The following FRMD4B variants were observed in gnomAD, a reference collection of about 807,000 sequenced individuals.
FRMD4B encodes the protein FERM domain-containing protein 4B.
In FRMD4B, 74 loss-of-function variants were observed where a neutral mutation model predicts 141.5. That is an observed-to-expected ratio of 0.52 (90% CI 0.43 to 0.63). FRMD4B has a LOEUF of 0.63. Ranked by LOEUF, FRMD4B falls within the 30% of genes least tolerant of loss-of-function variation. FRMD4B has a pLI of 0.00. For missense variants in FRMD4B, 1,366 were observed against 1,253.4 expected, an observed-to-expected ratio of 1.09 and a Z score of -1.36; for synonymous variants, 506 against 467.9, an observed-to-expected ratio of 1.08 and a Z score of -1.05.
At chr3:69,262,705 C>G (rs977983297) in intron 5 of FRMD4B, among the ~76,000 whole-genome samples, 1 of 151,322 alleles carries the variant, frequency 6.6e-6, no homozygotes, top group Non-Finnish European at 1.5e-5. Context: ...GGTGATCCGC[C>G]CGCCTTGGCC....
At chr3:69,521,926 C>T (rs576675001) in intron 1 of FRMD4B, among the ~76,000 whole-genome samples, 1 of 152,296 alleles carries the variant, frequency 6.6e-6, no homozygotes, top group African/African-American at 2.4e-5. Context: ...TTTTTATGGT[C>T]CTCATGGTCA....
In FRMD4B at chr3:69,182,608, T is replaced by TAG; in HGVS notation, c.2028_2029insCT (p.Ser677LeufsTer68). ...AAGAAGCTCTCTTACTCCAAGTGGCTGCTGCTGTAGGCGTTTCGGGTAAGA... is the reference window on the plus strand; with the variant it reads ...AAGAAGCTCTCTTACTCCAAGTGGCTAGGCTGCTGTAGGCGTTTCGGGTAAGA... On this transcript the variant is annotated frameshift_variant, in exon 20 of 23. Coordinates refer to ENST00000398540, the MANE Select transcript of FRMD4B (RefSeq NM_015123.3). LOFTEE classifies it high-confidence loss of function. 1 of 1,609,946 alleles carries TAG rather than the reference T, an allele frequency of 6.2e-7. No individual in the cohort carries two copies. The highest frequency in any genetic ancestry group is 8.5e-7 in the Non-Finnish European group (1 of 1,178,892).
upstream of FRMD4B, among the ~76,000 whole-genome samples, chr3:69,390,581 G>A (rs1003447989): frequency 1.3e-5 from 2 of 152,062 alleles, no homozygotes; most frequent in Admixed American, 1.3e-4. Flanking sequence ...AGAGGTCAGA[G>A]AACCCTGGTC....
intron 4 of FRMD4B, among the ~76,000 whole-genome samples, chr3:69,297,220 C>A (rs144513188): frequency 7.9e-5 from 12 of 152,236 alleles, no homozygotes; most frequent in Admixed American, 7.8e-4. Context: ...ATCTAATGTT[C>A]CAAAGACCAG....
chr3:69,459,372 G>T (rs1244666687), intron 1 of FRMD4B, among the ~76,000 whole-genome samples: 1 of 152,152 alleles, frequency 6.6e-6, no homozygotes, highest in East Asian at 1.9e-4. Flanking sequence ...AAAAAATGAG[G>T]ATGGATAATG....
chr3:69,469,395 T>C (rs6797592), intron 1 of FRMD4B, among the ~76,000 whole-genome samples: 33,577 of 152,094 alleles, frequency 0.22, 5,064 homozygotes, highest in African/African-American at 0.43. Context: ...AGTGCCTCCC[T>C]ACATGACTTA....
chr3:69,470,336 C>T (rs1186220847), intron 1 of FRMD4B, among the ~76,000 whole-genome samples: 1 of 152,062 alleles, frequency 6.6e-6, no homozygotes, highest in African/African-American at 2.4e-5. Context: ...TCTTTTCATT[C>T]CAAATGACTC....
chr3:69,393,330 A>T (rs1421362762), intron 2 of FRMD4B, among the ~76,000 whole-genome samples: 2 of 20,022 alleles, frequency 1.0e-4, no homozygotes, highest in African/African-American at 2.3e-4. Context: ...GAAGAAGTAC[A>T]AAAAAAAAAA....
chr3:69,485,190 C>CAAG (rs1706194608), intron 1 of FRMD4B, among the ~76,000 whole-genome samples: 1 of 152,234 alleles, frequency 6.6e-6, no homozygotes, highest in Admixed American at 6.5e-5. Context: ...GGTGCACACA[C>CAAG]CCGGCTGGGC....
chr3:69,458,823 T>G (rs1308939341), intron 1 of FRMD4B, among the ~76,000 whole-genome samples: 2 of 122,992 alleles, frequency 1.6e-5, no homozygotes, highest in Non-Finnish European at 3.3e-5. Context: ...AAAAAAACAG[T>G]CTAACCTTGA....
intron 18 of FRMD4B, 97 bp from the exon 19 acceptor site, chr3:69,188,014 A>G: frequency 1.5e-6 from 1 of 672,888 alleles, no homozygotes; most frequent in Non-Finnish European, 2.6e-6. Context: ...TAGAAGGTTT[A>G]GTGAACAAAG....
At chr3:69,297,966 T>G (rs570199545) in intron 4 of FRMD4B, among the ~76,000 whole-genome samples, 1 of 152,224 alleles carries the variant, frequency 6.6e-6, no homozygotes, top group African/African-American at 2.4e-5. Flanking sequence ...AAGGGAACAC[T>G]ACATGCCTTT....
At chr3:69,300,471 A>G (rs759933317) in intron 4 of FRMD4B, among the ~76,000 whole-genome samples, 16 of 152,140 alleles carry the variant, frequency 1.1e-4, no homozygotes, top group Non-Finnish European at 1.3e-4. Flanking sequence ...AATTTCAGGA[A>G]CCTGCTTGGA....
At chr3:69,309,960 G>A (rs934395917) in intron 3 of FRMD4B, among the ~76,000 whole-genome samples, 1 of 152,038 alleles carries the variant, frequency 6.6e-6, no homozygotes, top group Admixed American at 6.6e-5. Context: ...TCACTGATTC[G>A]CAGGAGCTGG....
intron 1 of FRMD4B, among the ~76,000 whole-genome samples, chr3:69,324,154 ATC>A (rs1702105228): frequency 6.6e-6 from 1 of 152,146 alleles, no homozygotes; most frequent in Admixed American, 6.5e-5. Flanking sequence ...GATGGAATTA[ATC>A]TCCACCTGTT....
chr3:69,535,458 C>T (rs1218301552), intron 1 of FRMD4B, among the ~76,000 whole-genome samples: 4 of 152,208 alleles, frequency 2.6e-5, no homozygotes, highest in South Asian at 2.1e-4. Flanking sequence ...GTGCTGCTAT[C>T]GTTACCATTA....
chr3:69,333,915 T>A (rs185588516), intron 1 of FRMD4B: 1 of 152,332 alleles, frequency 6.6e-6, no homozygotes, highest in African/African-American at 2.4e-5. Context: ...GAAATTATTT[T>A]TCTTTTATTT....
At position 69,170,341 on chromosome 3, in the gene FRMD4B, T is replaced by C. The variant is rs936124033; in HGVS notation, c.*1520A>G. 3 of 152,026 alleles carry C rather than the reference T, an allele frequency of 2.0e-5. No homozygotes were observed. The highest frequency in any genetic ancestry group is 4.4e-5 in the Non-Finnish European group (3 of 68,006). The allele number at this position is 152,026 out of a possible 1,614,324, so 9.4% of individuals were successfully genotyped here. ...TTGAAAAGTCAGAACAATAAAAGAA[T>C]ATGCAAAAAGGTTATTTCTGATTCT... On this transcript the variant is annotated 3_prime_UTR_variant, in exon 23 of 23. Coordinates refer to ENST00000398540, the MANE Select transcript of FRMD4B (RefSeq NM_015123.3).
intron 1 of FRMD4B, among the ~76,000 whole-genome samples, chr3:69,377,679 G>A (rs75621634): frequency 0.011 from 1,664 of 152,224 alleles, 17 homozygotes; most frequent in African/African-American, 0.038. Context: ...AATGAAGGTG[G>A]GGAGAAGACC....
Sources: allele counts gnomAD v4.1 joint callset (sites outside exome capture counted in the v4.1 genomes callset), GRCh38; gene constraint gnomAD v4.1.1; transcripts MANE v1.5; gene names NCBI Gene and HGNC (gene_info 2026-07-23, HGNC 2026-07-21).